The following RAB3IP variants were observed in gnomAD, a reference collection of about 807,000 sequenced individuals.
RAB3IP encodes the protein RAB3A interacting protein, also known as rab-3A-interacting protein.
RAB3IP carries 36 observed loss-of-function variants against 59.1 expected under a neutral mutation model. The ratio of observed to expected loss-of-function variants is 0.61; its 90% CI spans 0.47 to 0.80. The LOEUF (loss-of-function observed/expected upper bound fraction) is 0.80. RAB3IP is among the 30% of genes least tolerant of loss of function. The pLI, the probability that RAB3IP is intolerant of heterozygous loss-of-function variation, is 0.00. For synonymous variants in RAB3IP, 207 were observed against 191.2 expected (o/e 1.08, Z -0.68); for missense variants, 511 against 536.0 (o/e 0.95, Z 0.46).
rs550945404 is a variant in RAB3IP, at chr12:69,759,589, C to T, written c.510+2926C>T. ...GCAGAGGCGCCTCCGACCTCCCGGA[C>T]GGGGCGGCGGCCGGGCGGAGGCGCC... On this transcript the variant is annotated intron_variant, in intron 3 of 10. Transcript: ENST00000247833. Among the ~76,000 whole-genome samples the T allele has an allele frequency of 7.6e-3, 1,149 of 150,808 alleles. 13 individuals are homozygous for T. Among genetic ancestry groups the T allele is most frequent in the African/African-American group, 0.026 (1,081 of 41,102 alleles).
chr12:69,773,233 C>A (rs957670690), intron 3 of RAB3IP, among the ~76,000 whole-genome samples: 2 of 151,858 alleles, frequency 1.3e-5, no homozygotes, highest in Admixed American at 6.6e-5. Flanking sequence ...CCCTCCTTGT[C>A]TTTGATCTTT....
At chr12:69,809,714 C>T (rs185157053) in intron 8 of RAB3IP, among the ~76,000 whole-genome samples, 6,388 of 152,280 alleles carry the variant, frequency 0.042, 142 homozygotes, top group Non-Finnish European at 0.048. Flanking sequence ...CTTGTGCATT[C>T]GTCACGTAGT....
At chr12:69,807,161 G>T (rs1879475884) in intron 8 of RAB3IP, among the ~76,000 whole-genome samples, 4 of 150,810 alleles carry the variant, frequency 2.7e-5, no homozygotes, top group African/African-American at 9.8e-5. Context: ...TTCCCAGACG[G>T]GGTGGCCGGG....
chr12:69,783,788 T>C (rs1314008994), intron 3 of RAB3IP, among the ~76,000 whole-genome samples: 1 of 152,234 alleles, frequency 6.6e-6, no homozygotes, highest in African/African-American at 2.4e-5. Flanking sequence ...CCTGCTGCTT[T>C]TGTACATCTG....
intron 8 of RAB3IP, among the ~76,000 whole-genome samples, chr12:69,806,322 T>C (rs550591726): frequency 6.6e-6 from 1 of 152,336 alleles, no homozygotes; most frequent in East Asian, 1.9e-4. Context: ...AGTTTGTATT[T>C]CTGTGGGAGC....
rs1042879669 is a variant in RAB3IP, at chr12:69,815,853, A to G, written c.*407A>G. On this transcript the variant is annotated 3_prime_UTR_variant, in exon 11 of 11. Transcript: ENST00000247833. Reference sequence around the variant, plus strand: ...AGGCAAGAAAGAAGTCTGAGTGGATAGTACTCACTTTCCAAGGCCCCCACC... The same window carrying G: ...AGGCAAGAAAGAAGTCTGAGTGGATGGTACTCACTTTCCAAGGCCCCCACC... 2 of 153,268 alleles carry G rather than the reference A, an allele frequency of 1.3e-5. No individual in the cohort carries two copies. Among genetic ancestry groups the G allele is most frequent in the Non-Finnish European group, 2.9e-5 (2 of 68,482 alleles). 9.5% of individuals were successfully genotyped at this position (153,268 alleles called of 1,614,324 possible).
intron 8 of RAB3IP, among the ~76,000 whole-genome samples, chr12:69,804,046 T>C (rs1391986555): frequency 6.6e-6 from 1 of 152,132 alleles, no homozygotes; most frequent in Non-Finnish European, 1.5e-5. Flanking sequence ...ATGGTATTTC[T>C]AGTTCTAGAT....
intron 3 of RAB3IP, among the ~76,000 whole-genome samples, chr12:69,781,168 A>G (rs766313005): frequency 6.6e-6 from 1 of 152,078 alleles, no homozygotes; most frequent in Non-Finnish European, 1.5e-5. Flanking sequence ...AGCTTATATC[A>G]TTTTTATACC....
intron 2 of RAB3IP, 131 bp from the exon 3 acceptor site, chr12:69,756,274 C>G: frequency 1.2e-6 from 1 of 868,932 alleles, no homozygotes; most frequent in South Asian, 1.8e-5. Flanking sequence ...GCTGATATGA[C>G]TGAGGACATA....
Position 69,822,095 on chromosome 12 carries a change from C to T in RAB3IP, c.*6649C>T, listed in dbSNP as rs1038446189. 4 of 152,128 alleles carry T rather than the reference C, an allele frequency of 2.6e-5. No homozygotes were observed. Among genetic ancestry groups the T allele is most frequent in the Non-Finnish European group, 5.9e-5 (4 of 68,036 alleles). The allele number at this position is 152,128 out of a possible 1,614,324, so 9.4% of individuals were successfully genotyped here. The stretch of plus-strand genomic sequence containing the variant: ...AGTGTGATGACTCATTTCCGGTGGT[C>T]TCCAGGAGACTTGGCTGGGAGCTTC... On this transcript the variant is annotated 3_prime_UTR_variant, in exon 11 of 11. Coordinates refer to ENST00000247833, the MANE Select transcript of RAB3IP (RefSeq NM_022456.5).
intron 4 of RAB3IP, among the ~76,000 whole-genome samples, chr12:69,794,183 C>T (rs569673832): frequency 1.1e-4 from 16 of 152,264 alleles, no homozygotes; most frequent in African/African-American, 2.2e-4. Flanking sequence ...ACAGTCCTTA[C>T]GCAAGTATCT....
intron 4 of RAB3IP, among the ~76,000 whole-genome samples, chr12:69,790,978 G>A (rs1028854161): frequency 6.6e-6 from 1 of 152,118 alleles, no homozygotes; most frequent in Non-Finnish European, 1.5e-5. Context: ...AAACAGTATG[G>A]CACTGATATA....
Position 69,755,660 on chromosome 12 carries a change from G to A in RAB3IP, c.251+1G>A. 1 of 1,605,294 alleles carries A rather than the reference G, an allele frequency of 6.2e-7. No homozygotes were observed. Among genetic ancestry groups the A allele is most frequent in the Non-Finnish European group, 8.5e-7 (1 of 1,173,460 alleles). On this transcript the variant is annotated splice_donor_variant, in intron 2 of 10. Transcript: ENST00000247833. LOFTEE classifies it high-confidence loss of function. ...ATTGTGCGGAAATATCTAGTATCAG[G>A]TAGGAAATAAGTAAATCACTTATTT...
intron 8 of RAB3IP, among the ~76,000 whole-genome samples, chr12:69,805,416 T>C (rs1406573130): frequency 6.6e-6 from 1 of 152,222 alleles, no homozygotes; most frequent in Non-Finnish European, 1.5e-5. Flanking sequence ...TGGGGTTTTC[T>C]ATGTGTACAA....
chr12:69,794,033 G>A (rs111494615), intron 4 of RAB3IP, among the ~76,000 whole-genome samples: 4 of 152,146 alleles, frequency 2.6e-5, no homozygotes, highest in African/African-American at 9.6e-5. Flanking sequence ...AACATTATTG[G>A]TGTGTTAATG....
chr12:69,796,324 C>G lies in RAB3IP; in HGVS notation c.888+980C>G, dbSNP rs57553045. 34 of 181,824 alleles carry G rather than the reference C, an allele frequency of 1.9e-4. No individual in the cohort carries two copies. The East Asian group carries it at 4.4e-3, about 23-fold the overall frequency. 11.3% of individuals were successfully genotyped at this position (181,824 alleles called of 1,614,324 possible). ...TCAAAATCATAATAATAATAATAGTCTTATTTTAAAAGATATGTTACAAAG... is the reference window on the plus strand; with the variant it reads ...TCAAAATCATAATAATAATAATAGTGTTATTTTAAAAGATATGTTACAAAG... On this transcript the variant is annotated intron_variant, in intron 6 of 10. Transcript: ENST00000247833.
chr12:69,743,441 C>T (rs1156565049), intron 1 of RAB3IP, among the ~76,000 whole-genome samples: 5 of 152,168 alleles, frequency 3.3e-5, no homozygotes, highest in Non-Finnish European at 7.4e-5. Flanking sequence ...AGACAAACCC[C>T]TCAGTATGCT....
At chr12:69,759,901 CG>C (rs1331541029) in intron 3 of RAB3IP, among the ~76,000 whole-genome samples, 6 of 151,382 alleles carry the variant, frequency 4.0e-5, no homozygotes, top group Admixed American at 3.9e-4. Context: ...GACGGGGTCG[CG>C]GCTGGACAGA....
chr12:69,748,962 C>A (rs1420808204), intron 1 of RAB3IP, among the ~76,000 whole-genome samples: 1 of 152,170 alleles, frequency 6.6e-6, no homozygotes, highest in Non-Finnish European at 1.5e-5. Context: ...AAATAATCTC[C>A]TTTTCAGAAG....
Sources: allele counts gnomAD v4.1 joint callset (sites outside exome capture counted in the v4.1 genomes callset), GRCh38; gene constraint gnomAD v4.1.1; transcripts MANE v1.5; gene names NCBI Gene and HGNC (gene_info 2026-07-23, HGNC 2026-07-21).